SPON1: variants seen among roughly 807,000 people sequenced by gnomAD.
The protein encoded by SPON1 is spondin 1, also known as spondin-1.
SPON1 carries 52 observed loss-of-function variants against 111.7 expected under a neutral mutation model. That is an observed-to-expected ratio of 0.47 (90% CI 0.37 to 0.59). The LOEUF (loss-of-function observed/expected upper bound fraction) is 0.59. SPON1 is among the 20% of genes least tolerant of loss of function. The pLI is 0.00. For synonymous variants in SPON1, 410 were observed against 395.8 expected, an observed-to-expected ratio of 1.04 and a Z score of -0.43; for missense variants, 957 against 1,068.5, an observed-to-expected ratio of 0.90 and a Z score of 1.46.
In SPON1 at chr11:14,262,721, G is replaced by A. The variant is rs782137648; in HGVS notation, c.2006G>A (p.Cys669Tyr). 6.2e-7 allele frequency: 1 copy of A among 1,613,920 alleles called. No individual in the cohort carries two copies. ...ATCTGTGTCTTGCCAGCCATTGACT[G>A]TGAGCTCACCGAGTGGTCCCAGTGG... Reference protein sequence around the residue: ...KCMLPECPIDCELTEWSQWSE... With the variant: ...KCMLPECPIDYELTEWSQWSE... The change falls in exon 15 of 16, where the codon TGT becomes TAT. Residue 669 changes from cysteine to tyrosine, a missense_variant. Cys to Tyr is a radical substitution (Grantham distance 194, BLOSUM62 -2). This residue lies in a region of SPON1 where 549 missense variants were observed against 606.2 expected (regional missense o/e 0.91). Coordinates refer to ENST00000576479, the MANE Select transcript of SPON1 (RefSeq NM_006108.4).
chr11:13,996,573 A>G (rs191807742), intron 2 of SPON1, among the ~76,000 whole-genome samples: 3 of 152,348 alleles, frequency 2.0e-5, no homozygotes, highest in Admixed American at 1.3e-4. Flanking sequence ...TTTGTGTTAT[A>G]AAATACAGAA....
At chr11:13,975,496 C>T (rs1405195460) in intron 1 of SPON1, among the ~76,000 whole-genome samples, 1 of 152,178 alleles carries the variant, frequency 6.6e-6, no homozygotes, top group Admixed American at 6.5e-5. Context: ...TGTTTCTGCA[C>T]TCATGGAGAG....
chr11:14,069,679 A>G (rs1321073541), intron 3 of SPON1, among the ~76,000 whole-genome samples: 10 of 152,064 alleles, frequency 6.6e-5, no homozygotes, highest in Admixed American at 4.6e-4. Context: ...CTGGCACAAA[A>G]TGAGTGTTCA....
chr11:14,150,347 C>A (rs781979997), intron 6 of SPON1, among the ~76,000 whole-genome samples: 1 of 151,606 alleles, frequency 6.6e-6, no homozygotes, highest in Non-Finnish European at 1.5e-5. Flanking sequence ...GGTTAGTTAA[C>A]GGATGCAAGA....
intron 6 of SPON1, among the ~76,000 whole-genome samples, chr11:14,150,570 A>G (rs562939142): frequency 6.6e-6 from 1 of 152,290 alleles, no homozygotes; most frequent in African/African-American, 2.4e-5. Context: ...TACCCTGTAA[A>G]TATGTACAAA....
At chr11:14,091,314 G>A (rs1386324409) in intron 5 of SPON1, among the ~76,000 whole-genome samples, 4 of 152,214 alleles carry the variant, frequency 2.6e-5, no homozygotes, top group Non-Finnish European at 4.4e-5. Flanking sequence ...TGCCAGTCCC[G>A]TGCCGAGCGC....
At chr11:14,037,306 G>C (rs532690309) in intron 2 of SPON1, among the ~76,000 whole-genome samples, 2 of 152,218 alleles carry the variant, frequency 1.3e-5, no homozygotes, top group East Asian at 1.9e-4. Context: ...CCAGAGAAGA[G>C]TAAGGAGATA....
intron 1 of SPON1, among the ~76,000 whole-genome samples, chr11:13,976,773 G>A (rs1554909088): frequency 6.6e-6 from 1 of 152,188 alleles, no homozygotes; most frequent in African/African-American, 2.4e-5. Flanking sequence ...ATATACTCAT[G>A]TAACCAGCAC....
intron 5 of SPON1, among the ~76,000 whole-genome samples, chr11:14,130,294 A>T (rs1164810593): frequency 6.6e-6 from 1 of 152,184 alleles, no homozygotes; most frequent in African/African-American, 2.4e-5. Context: ...AAACAAAGAA[A>T]TTAGATGAAA....
At chr11:14,214,028 A>G (rs1475822606) in intron 6 of SPON1, among the ~76,000 whole-genome samples, 2 of 152,156 alleles carry the variant, frequency 1.3e-5, no homozygotes, top group Admixed American at 6.6e-5. Context: ...CCTATTCCTC[A>G]TTGCATTTGT....
At chr11:14,232,649 G>C (rs1437558129) in intron 6 of SPON1, among the ~76,000 whole-genome samples, 2 of 152,080 alleles carry the variant, frequency 1.3e-5, no homozygotes, top group African/African-American at 2.4e-5. Flanking sequence ...TGCAATATGA[G>C]CTTATCTTCT....
chr11:14,254,946 G>C lies in SPON1; in HGVS notation c.1092+217G>C, dbSNP rs114610662. Among the ~76,000 whole-genome samples, 1,450 of 152,292 alleles carry C rather than the reference G, an allele frequency of 9.5e-3. 24 individuals carry two copies. Among genetic ancestry groups the C allele is most frequent in the African/African-American group, 0.033 (1,385 of 41,552 alleles). On this transcript the variant is annotated intron_variant, in intron 8 of 15. Transcript: ENST00000576479. ...AGCACGGAGAGGGAACTGCTAAAGA[G>C]CAGTTCCCAGGTGAGCAGGGGACAG...
chr11:14,050,279 A>T (rs1268213284), intron 3 of SPON1, among the ~76,000 whole-genome samples: 1 of 152,226 alleles, frequency 6.6e-6, no homozygotes, highest in South Asian at 2.1e-4. Context: ...TCATAAAGGC[A>T]TAGATCAATT....
chr11:14,190,138 G>A (rs1282681463), intron 6 of SPON1, among the ~76,000 whole-genome samples: 1 of 152,056 alleles, frequency 6.6e-6, no homozygotes, highest in Non-Finnish European at 1.5e-5. Flanking sequence ...CCAACATCTG[G>A]ACCCAGGGGA....
In SPON1 at chr11:14,171,102, C is replaced by G. The variant is rs552644167; in HGVS notation, c.825+35534C>G. Reference sequence around the variant, plus strand: ...TCCTCCTTGTACCTCTGGTAGAATTCAGCTGTGAATCTATCTGGTCCTGGA... The same window carrying G: ...TCCTCCTTGTACCTCTGGTAGAATTGAGCTGTGAATCTATCTGGTCCTGGA... On this transcript the variant is annotated intron_variant, in intron 6 of 15. Transcript: ENST00000576479. Among the ~76,000 whole-genome samples, 38 of 152,238 alleles carry G rather than the reference C, an allele frequency of 2.5e-4. No individual in the cohort carries two copies. The East Asian group carries it at 5.6e-3, about 22-fold the overall frequency.
intron 6 of SPON1, among the ~76,000 whole-genome samples, chr11:14,233,760 T>C (rs1554938987): frequency 9.0e-5 from 6 of 66,712 alleles, no homozygotes; most frequent in African/African-American, 2.4e-4. Context: ...TTCTTTTTCT[T>C]TTTTTTTTTT....
chr11:14,059,944 G>A (rs1848778731), intron 3 of SPON1, among the ~76,000 whole-genome samples: 1 of 152,210 alleles, frequency 6.6e-6, no homozygotes, highest in Non-Finnish European at 1.5e-5. Flanking sequence ...TTGCAGGTGG[G>A]TTTTAGGGTC....
At position 14,084,670 on chromosome 11, in the gene SPON1, A is replaced by G. The variant is rs192308641; in HGVS notation, c.676+4649A>G. Among the ~76,000 whole-genome samples, 1,003 of 152,300 alleles carry G rather than the reference A, an allele frequency of 6.6e-3. 23 individuals carry two copies. Among genetic ancestry groups the G allele is most frequent in the African/African-American group, 0.023 (964 of 41,568 alleles). On this transcript the variant is annotated intron_variant, in intron 5 of 15. Coordinates refer to ENST00000576479, the MANE Select transcript of SPON1 (RefSeq NM_006108.4). ...ATCCTTTGGGTATATACCCAGTAAT[A>G]GGATCACTAGGTCGAATGGCATTTC...
At chr11:14,012,570 G>T (rs1385466436) in intron 2 of SPON1, among the ~76,000 whole-genome samples, 2 of 152,120 alleles carry the variant, frequency 1.3e-5, no homozygotes, top group Non-Finnish European at 2.9e-5. Flanking sequence ...CCTTCTAAGT[G>T]TTAACCATTT....
Sources: allele counts gnomAD v4.1 joint callset (sites outside exome capture counted in the v4.1 genomes callset), GRCh38; gene constraint gnomAD v4.1.1; regional missense constraint gnomAD v4.1.1; transcripts MANE v1.5; gene names NCBI Gene and HGNC (gene_info 2026-07-23, HGNC 2026-07-21).